The following MYRFL variants were observed in gnomAD, a reference collection of about 807,000 sequenced individuals.
MYRFL encodes the protein myelin regulatory factor like, also known as myelin regulatory factor-like protein.
Under a neutral mutation model 109.4 loss-of-function variants are expected in MYRFL, and 88 were observed. That is an observed-to-expected ratio of 0.80 (90% CI 0.68 to 0.96). The LOEUF (loss-of-function observed/expected upper bound fraction) is 0.96. MYRFL is among the 40% of genes least tolerant of loss of function. The pLI is 0.00. For synonymous variants in MYRFL, 324 were observed against 320.9 expected (o/e 1.01, Z -0.10); for missense variants, 957 against 954.9 (o/e 1.00, Z -0.03).
chr12:69,875,629 C>T (rs1045519549), intron 2 of MYRFL, among the ~76,000 whole-genome samples: 3 of 152,206 alleles, frequency 2.0e-5, no homozygotes, highest in Non-Finnish European at 4.4e-5. Context: ...GGCTCTGCCT[C>T]CTGTCAGATC....
chr12:69,872,363 A>C (rs1428075188), intron 2 of MYRFL, among the ~76,000 whole-genome samples: 1 of 151,850 alleles, frequency 6.6e-6, no homozygotes, highest in Non-Finnish European at 1.5e-5. Context: ...TCACTTTGTC[A>C]CCTAGGCTGA....
intron 10 of MYRFL, among the ~76,000 whole-genome samples, chr12:69,898,577 G>A (rs1240272): frequency 0.38 from 57,621 of 152,082 alleles, 12,048 homozygotes; most frequent in East Asian, 0.71. Context: ...GCCTTGCTGT[G>A]CTGACAAATC....
intron 13 of MYRFL, 28 bp from the exon 14 acceptor site, chr12:69,926,543 T>A (rs532120076): frequency 2.1e-6 from 3 of 1,461,636 alleles, no homozygotes; most frequent in Non-Finnish European, 2.7e-6. Flanking sequence ...TGTTAATTTA[T>A]GCACTCTGTT....
intron 1 of MYRFL, among the ~76,000 whole-genome samples, chr12:69,834,502 C>T (rs969658185): frequency 2.0e-5 from 3 of 152,118 alleles, no homozygotes; most frequent in African/African-American, 7.2e-5. Context: ...CAATGTTCTC[C>T]ATCTGTCAAA....
chr12:69,876,878 G>A (rs911856768), intron 2 of MYRFL, among the ~76,000 whole-genome samples: 6 of 152,076 alleles, frequency 3.9e-5, no homozygotes, highest in African/African-American at 1.4e-4. Context: ...AGCATTCACT[G>A]TGCCTGGTAA....
Position 69,955,350 on chromosome 12 carries a change from T to C in MYRFL, c.2376-13T>C. The C allele has an allele frequency of 1.6e-6, 1 of 626,784 alleles. No individual in the cohort carries two copies. Among genetic ancestry groups the C allele is most frequent in the Middle Eastern group, 2.5e-4 (1 of 4,028 alleles). The allele number at this position is 626,784 out of a possible 1,614,324, so 38.8% of individuals were successfully genotyped here. A position where few individuals can be genotyped will look rare whatever the true frequency, so the allele number is the denominator to read the frequency against. Reference sequence around the variant, plus strand: ...TATTTTGATTTGTGGTTTTATTTTCTTTCCATAATTAGATCTGGAAATTAT... The same window carrying C: ...TATTTTGATTTGTGGTTTTATTTTCCTTCCATAATTAGATCTGGAAATTAT... On this transcript the variant is annotated splice_polypyrimidine_tract_variant and intron_variant, in intron 21 of 24. Coordinates refer to ENST00000552032, the MANE Select transcript of MYRFL (RefSeq NM_182530.3).
At chr12:69,954,170 G>C (rs897100872) in intron 21 of MYRFL, among the ~76,000 whole-genome samples, 2 of 148,618 alleles carry the variant, frequency 1.3e-5, no homozygotes, top group African/African-American at 5.0e-5. Context: ...ATAGTGAAGA[G>C]TCAGATGATT....
In MYRFL at chr12:69,880,266, G is replaced by C. The variant is rs1330750437; in HGVS notation, c.530G>C (p.Arg177Pro). The change falls in exon 5 of 25, where the codon CGA (arginine) becomes CCA (proline). Residue 177 changes from arginine to proline, a missense_variant. Physicochemically the swap from Arg to Pro is moderately radical, Grantham distance 103. Transcript: ENST00000552032. ...TQALEDSGEC[R>P]VWACHCRPMT... ...GCACTGGAGGACTCCGGGGAATGCC[G>C]AGTGTGGGCCTGCCACTGCAGACCG... The C allele has an allele frequency of 2.8e-6, 2 of 702,706 alleles. No homozygotes were observed. Among genetic ancestry groups the C allele is most frequent in the South Asian group, 1.5e-5 (1 of 67,546 alleles). 43.5% of individuals were successfully genotyped at this position (702,706 alleles called of 1,614,324 possible).
chr12:69,951,723 T>C (rs537592887), intron 19 of MYRFL, among the ~76,000 whole-genome samples: 4 of 152,334 alleles, frequency 2.6e-5, no homozygotes, highest in East Asian at 1.9e-4. Flanking sequence ...CCACCATGCC[T>C]GGCTCCTAAT....
chr12:69,952,765 GTTTA>G (rs1181893594), intron 20 of MYRFL, 30 bp from the exon 21 acceptor site: 1 of 1,406,100 alleles, frequency 7.1e-7, no homozygotes. Flanking sequence ...TTTCAGAAGA[GTTTA>G]TTTACTTTGT....
intron 5 of MYRFL, among the ~76,000 whole-genome samples, chr12:69,884,912 G>A (rs2136335154): frequency 6.6e-6 from 1 of 152,274 alleles, no homozygotes; most frequent in East Asian, 1.9e-4. Context: ...AGCTCAGAGA[G>A]CTTAAATCAT....
chr12:69,863,272 G>A (rs1884807574), intron 2 of MYRFL, among the ~76,000 whole-genome samples: 1 of 152,182 alleles, frequency 6.6e-6, no homozygotes, highest in South Asian at 2.1e-4. Context: ...CATAAAATGT[G>A]TTAGGGAGGG....
At chr12:69,862,399 T>C (rs1431363190) in intron 2 of MYRFL, among the ~76,000 whole-genome samples, 3 of 152,200 alleles carry the variant, frequency 2.0e-5, no homozygotes, top group Non-Finnish European at 4.4e-5. Flanking sequence ...TGTTCTTCCA[T>C]TTGTTTGTAA....
intron 15 of MYRFL, among the ~76,000 whole-genome samples, chr12:69,929,380 G>A (rs555885538): frequency 6.6e-6 from 1 of 152,194 alleles, no homozygotes; most frequent in Non-Finnish European, 1.5e-5. Context: ...AAGAACAGTT[G>A]TACCTGGATG....
intron 13 of MYRFL, among the ~76,000 whole-genome samples, chr12:69,913,131 C>T (rs1470273319): frequency 6.6e-6 from 1 of 152,060 alleles, no homozygotes; most frequent in Admixed American, 6.5e-5. Context: ...CAATTCAAGT[C>T]CTTTGCCCAT....
intron 1 of MYRFL, among the ~76,000 whole-genome samples, chr12:69,833,828 C>CT (rs11300053): frequency 0.052 from 5,914 of 113,842 alleles, 236 homozygotes; most frequent in East Asian, 0.12. Context: ...ATAGGGCTTG[C>CT]TTTTTTTTTT....
At chr12:69,846,204 T>TATA (rs1883533437) in intron 1 of MYRFL, among the ~76,000 whole-genome samples, 1 of 151,016 alleles carries the variant, frequency 6.6e-6, no homozygotes, top group African/African-American at 2.4e-5. Context: ...TTATTATTAT[T>TATA]ATACTTTAAG....
At chr12:69,936,082 T>TTTG in intron 16 of MYRFL, 31 bp from the exon 17 acceptor site, 3 of 996,038 alleles carry the variant, frequency 3.0e-6, no homozygotes, top group Non-Finnish European at 1.3e-6. Context: ...CATAATGTTT[T>TTTG]TTTTTTTTTT....
rs568984584 is a variant in MYRFL, at chr12:69,840,217, T to G, written c.46+14654T>G. On this transcript the variant is annotated intron_variant, in intron 1 of 24. Coordinates refer to ENST00000552032, the MANE Select transcript of MYRFL (RefSeq NM_182530.3). ...TACCTTGCCCACTGCCTTCAGGCTG[T>G]CTGAATGTATGTCCAGTTTGCCTTC... is the stretch of plus-strand genomic sequence containing the variant. Among the ~76,000 whole-genome samples the G allele has an allele frequency of 5.3e-5, 8 of 152,240 alleles. No individual in the cohort carries two copies. The South Asian group carries it at 1.5e-3, about 28-fold the overall frequency.
Sources: gnomAD v4.1 joint callset for allele counts (sites outside exome capture counted in the v4.1 genomes callset) on GRCh38, gnomAD v4.1.1 for gene constraint, MANE v1.5 for transcripts, NCBI Gene and HGNC (gene_info 2026-07-23, HGNC 2026-07-21) for gene names.